Variants in UNC80 observed in about 807,000 individuals in gnomAD.
UNC80 encodes the protein protein unc-80 homolog.
Under a neutral mutation model 384.6 loss-of-function variants are expected in UNC80, and 164 were observed. That is an observed-to-expected ratio of 0.43 (90% CI 0.38 to 0.49). UNC80 has a LOEUF of 0.49. UNC80 is among the 20% of genes least tolerant of loss of function. The probability of loss-of-function intolerance (pLI) is 0.00; values close to 1 mark genes in which losing one functional copy is unlikely to be tolerated. For missense variants in UNC80, 3,330 were observed against 4,143.0 expected (o/e 0.80, Z 5.39); for synonymous variants, 1,486 against 1,527.8 (o/e 0.97, Z 0.64).
Position 209,894,251 on chromosome 2 carries a change from G to T in UNC80, c.4365G>T (p.Leu1455Phe). 1.0e-6 allele frequency: 1 copy of T among 985,436 alleles called. No homozygotes were observed. Among genetic ancestry groups the T allele is most frequent in the Non-Finnish European group, 1.2e-6 (1 of 829,926 alleles). 61.0% of individuals were successfully genotyped at this position (985,436 alleles called of 1,614,324 possible). A position where few individuals can be genotyped will look rare whatever the true frequency, so the allele number is the denominator to read the frequency against. The change falls in exon 27 of 65, where the codon TTG (leucine) becomes TTT (phenylalanine). Residue 1455 changes from leucine to phenylalanine, a missense_variant. By Grantham distance (22) the Leu-to-Phe change is conservative. Coordinates refer to ENST00000673920, the MANE Select transcript of UNC80 (RefSeq NM_001371986.1). ...TCCAGGTGAAGAAGGGGGGTTCCTT[G>T]TCCAGCATTCGCCGGGTCGGCAGCT... ...RSFQVKKGGS[L>F]SSIRRVGSLK...
chr2:209,976,945 G>T lies in UNC80; in HGVS notation c.8805G>T (p.Glu2935Asp). 1 of 1,528,736 alleles carries T rather than the reference G, an allele frequency of 6.5e-7. No homozygotes were observed. Among genetic ancestry groups the T allele is most frequent in the Non-Finnish European group, 8.9e-7 (1 of 1,127,866 alleles). 94.7% of individuals were successfully genotyped at this position (1,528,736 alleles called of 1,614,324 possible). ...LLAQPAENHE[E>D]LSARQHIADQ... ...CCCAACCAGCAGAGAATCATGAAGAGCTTTCCGCCCGGCAACATATTGCCG... is the reference window on the plus strand; with the variant it reads ...CCCAACCAGCAGAGAATCATGAAGATCTTTCCGCCCGGCAACATATTGCCG... The change falls in exon 58 of 65, where the codon GAG becomes GAT. Residue 2935 changes from glutamate to aspartate, a missense_variant. Physicochemically the swap from Glu to Asp is conservative, Grantham distance 45. Around this residue, in one of 8 missense-constraint regions of UNC80, gnomAD observed 216 missense variants for 245.3 expected, o/e 0.88. Transcript: ENST00000673920. The surrounding 1 kb of genome is among the most constrained non-coding windows in gnomAD (Gnocchi z 4.3).
At chr2:209,871,973 A>T (rs1271223881) in intron 22 of UNC80, among the ~76,000 whole-genome samples, 1 of 142,316 alleles carries the variant, frequency 7.0e-6, no homozygotes, top group African/African-American at 2.5e-5. Flanking sequence ...ATGACAAAAT[A>T]AAAAAAAAAA....
intron 22 of UNC80, among the ~76,000 whole-genome samples, chr2:209,871,898 C>G (rs192972863): frequency 1.3e-5 from 2 of 149,460 alleles, no homozygotes; most frequent in Non-Finnish European, 3.0e-5. Context: ...ATCAATTAAT[C>G]TCCTCTTTAT....
intron 26 of UNC80, among the ~76,000 whole-genome samples, chr2:209,888,828 A>G (rs2086070999): frequency 1.3e-5 from 2 of 152,112 alleles, no homozygotes. Flanking sequence ...ATTAAAATGT[A>G]AAACATAATA....
At chr2:209,955,722 TATATATATATATATATACACACACACAC>T (rs1476812916) in intron 48 of UNC80, among the ~76,000 whole-genome samples, 2,460 of 84,874 alleles carry the variant, frequency 0.029, 127 homozygotes, top group African/African-American at 0.15. Context: ...TATATATATA[TATATATATATATATATACACACACACAC>T]ACACACACAG....
chr2:209,773,683 C>T (rs1429978882), intron 2 of UNC80, among the ~76,000 whole-genome samples: 1 of 152,126 alleles, frequency 6.6e-6, no homozygotes, highest in African/African-American at 2.4e-5. Flanking sequence ...TTGCCACCTG[C>T]AAGTGTGAAG....
In UNC80 at chr2:209,789,988, C is replaced by G. The variant is rs886267915; in HGVS notation, c.798+383C>G. Among the ~76,000 whole-genome samples the G allele has an allele frequency of 4.8e-4, 73 of 151,732 alleles. 1 individual carries two copies. The highest frequency in any genetic ancestry group is 1.6e-4 in the Non-Finnish European group (11 of 67,924). ...ATCCCCTAATGCTTGTTAAGTAACT[C>G]TAATGTAGGTAGAATAATGCTGCCG... On this transcript the variant is annotated intron_variant, in intron 6 of 64. Transcript: ENST00000673920.
intron 63 of UNC80, 121 bp downstream of exon 63, chr2:209,993,547 A>G (rs2125034030): frequency 1.3e-6 from 1 of 759,522 alleles, no homozygotes; most frequent in Non-Finnish European, 2.1e-6. Flanking sequence ...GTGCTAACAT[A>G]AGGGAAGGAG....
At chr2:209,896,867 G>A (rs1016130440) in intron 28 of UNC80, among the ~76,000 whole-genome samples, 59 of 152,270 alleles carry the variant, frequency 3.9e-4, no homozygotes, top group African/African-American at 1.4e-3. Context: ...GAGCCAGAGG[G>A]CACAGGCAGG....
chr2:209,860,900 T>C (rs1373853599), intron 22 of UNC80, among the ~76,000 whole-genome samples: 3 of 152,260 alleles, frequency 2.0e-5, no homozygotes, highest in African/African-American at 7.2e-5. Flanking sequence ...ATTGATTTTC[T>C]ATCCTGAGAC....
chr2:209,988,456 T>C (rs1471890552), intron 61 of UNC80, among the ~76,000 whole-genome samples: 1 of 152,208 alleles, frequency 6.6e-6, no homozygotes, highest in Non-Finnish European at 1.5e-5. Context: ...TATTGCATTA[T>C]TGAATGGCCC....
intron 48 of UNC80, 21 bp from the exon 49 acceptor site, chr2:209,957,623 T>C (rs751340866): frequency 5.8e-6 from 9 of 1,539,164 alleles, no homozygotes; most frequent in African/African-American, 1.4e-5. Context: ...TTTGCTGTGG[T>C]GATTACTGTC....
At chr2:209,832,594 C>G (rs959203599) in intron 16 of UNC80, among the ~76,000 whole-genome samples, 1 of 152,084 alleles carries the variant, frequency 6.6e-6, no homozygotes. Context: ...AGATAAAATC[C>G]CAAACTAAAG....
intron 26 of UNC80, among the ~76,000 whole-genome samples, chr2:209,889,997 TACTTG>T (rs1480589949): frequency 6.6e-6 from 1 of 152,174 alleles, no homozygotes; most frequent in Admixed American, 6.5e-5. Context: ...CGTGCCCAGC[TACTTG>T]TCTTTTATTC....
intron 56 of UNC80, 68 bp downstream of exon 56, chr2:209,973,338 GTAGA>G (rs1162153610): frequency 6.1e-6 from 8 of 1,306,026 alleles, no homozygotes; most frequent in Non-Finnish European, 8.4e-6. Flanking sequence ...AAATATATGT[GTAGA>G]TAGATAGATA....
At chr2:209,823,421 A>G (rs1307652681) in intron 13 of UNC80, among the ~76,000 whole-genome samples, 1 of 152,316 alleles carries the variant, frequency 6.6e-6, no homozygotes, top group Non-Finnish European at 1.5e-5. Flanking sequence ...GCACTGCTGC[A>G]TAAGGCTTTG....
rs1423800486 is a variant in UNC80, at chr2:209,926,922, T to C, written c.5742T>C (p.Cys1914=). ...PPQAVFPACI[C]AAVLPIVHLM... ...AAGCAGTGTTCCCAGCATGCATCTGTGCAGCAGTACTTCCCATTGTTCATC... is the reference window on the plus strand; with the variant it reads ...AAGCAGTGTTCCCAGCATGCATCTGCGCAGCAGTACTTCCCATTGTTCATC... Residue 1914 remains cysteine (C), a synonymous_variant, in exon 36 of 65, where the codon TGT becomes TGC. Transcript: ENST00000673920. 3 of 1,552,230 alleles carry C rather than the reference T, an allele frequency of 1.9e-6. No individual in the cohort carries two copies. In the Admixed American group the frequency reaches 5.9e-5, roughly 30 times the overall value.
chr2:209,774,460 A>G (rs1316125833), intron 2 of UNC80, among the ~76,000 whole-genome samples: 2 of 152,188 alleles, frequency 1.3e-5, no homozygotes, highest in African/African-American at 4.8e-5. Context: ...TCAAAAAGTT[A>G]CGTTAATAGA....
chr2:209,892,729 AAATT>A (rs2086460760), intron 26 of UNC80, among the ~76,000 whole-genome samples: 1 of 152,236 alleles, frequency 6.6e-6, no homozygotes, highest in South Asian at 2.1e-4. Context: ...AGTCATTACA[AAATT>A]TTAATTATTT....
Sources: allele counts gnomAD v4.1 joint callset (sites outside exome capture counted in the v4.1 genomes callset), GRCh38; gene constraint gnomAD v4.1.1; regional missense constraint gnomAD v4.1.1; non-coding constraint Gnocchi (gnomAD v3.1); transcripts MANE v1.5; gene names NCBI Gene and HGNC (gene_info 2026-07-23, HGNC 2026-07-21).